The following AFF2 variants were observed in gnomAD, a reference collection of about 807,000 sequenced individuals.
AFF2 encodes AF4/FMR2 family member 2.
In AFF2, 14 loss-of-function variants were observed where a neutral mutation model predicts 76.9. That is an observed-to-expected ratio of 0.18 (90% CI 0.12 to 0.28). The LOEUF (loss-of-function observed/expected upper bound fraction) is 0.28, where lower values mean the gene tolerates loss of function less well. Ranked by LOEUF, AFF2 falls within the 10% of genes least tolerant of loss-of-function variation. The probability of loss-of-function intolerance (pLI) is 1.00; values close to 1 mark genes in which losing one functional copy is unlikely to be tolerated. For missense variants in AFF2, 868 were observed against 1,001.1 expected (o/e 0.87, Z 1.79); for synonymous variants, 398 against 366.7 (o/e 1.09, Z -0.98).
chrX:148,538,963 C>T (rs1339037331), intron 1 of AFF2, among the ~76,000 whole-genome samples: 4 of 111,912 alleles, frequency 3.6e-5, no homozygotes, highest in Non-Finnish European at 5.6e-5. Context: ...ACCCTACTGT[C>T]AGTTATGTTC....
intron 3 of AFF2, among the ~76,000 whole-genome samples, chrX:148,798,085 G>A (rs782476274): frequency 8.9e-6 from 1 of 112,062 alleles, no homozygotes; most frequent in South Asian, 3.8e-4. Context: ...CAAGATGTCA[G>A]CATCTGGCAC....
intron 7 of AFF2, among the ~76,000 whole-genome samples, chrX:148,853,248 G>A (rs2070751575): frequency 9.0e-6 from 1 of 110,926 alleles, no homozygotes; most frequent in Non-Finnish European, 1.9e-5. Context: ...AATATATATT[G>A]TTATATTGTT....
At chrX:148,592,516 T>A (rs2053532992) in intron 1 of AFF2, among the ~76,000 whole-genome samples, 1 of 111,287 alleles carries the variant, frequency 9.0e-6, no homozygotes, top group Non-Finnish European at 1.9e-5. Flanking sequence ...ATATTTTTCA[T>A]AAGTGCACTT....
At position 148,762,480 on chromosome X, in the gene AFF2, ATG is replaced by A. The variant is rs144985699; in HGVS notation, c.1042-47368_1042-47367del. The stretch of plus-strand genomic sequence containing the variant: ...ATATATTATGTGTGTACATATGTAT[ATG>A]TGTGTGTGTGTGTGTGTGTGTGTGT... On this transcript the variant is annotated intron_variant, in intron 3 of 20. Coordinates refer to ENST00000370460, the MANE Select transcript of AFF2 (RefSeq NM_002025.4). Among the ~76,000 whole-genome samples the A allele has an allele frequency of 7.3e-3, 680 of 92,519 alleles. 14 individuals carry two copies. Among genetic ancestry groups the A allele is most frequent in the African/African-American group, 0.028 (626 of 22,232 alleles). 80.3% of individuals were successfully genotyped at this position (92,519 alleles called of 115,157 possible).
intron 3 of AFF2, among the ~76,000 whole-genome samples, chrX:148,780,292 C>T (rs1426839897): frequency 1.8e-5 from 2 of 111,561 alleles, no homozygotes; most frequent in Admixed American, 1.9e-4. Flanking sequence ...GAATGTTGGC[C>T]TGTCTTTGTA....
intron 1 of AFF2, among the ~76,000 whole-genome samples, chrX:148,634,702 C>T (rs1173142903): frequency 2.7e-5 from 3 of 111,757 alleles, no homozygotes; most frequent in Non-Finnish European, 5.6e-5. Context: ...CAGGCATTTT[C>T]ACATACCTTA....
At chrX:148,638,855 T>C (rs782394386) in intron 1 of AFF2, among the ~76,000 whole-genome samples, 1 of 111,792 alleles carries the variant, frequency 8.9e-6, no homozygotes, top group Non-Finnish European at 1.9e-5. Flanking sequence ...ATATCCAAAC[T>C]ATATCACCCA....
intron 7 of AFF2, among the ~76,000 whole-genome samples, chrX:148,845,664 A>G (rs1166841684): frequency 8.9e-6 from 1 of 112,131 alleles, no homozygotes; most frequent in African/African-American, 3.2e-5. Context: ...ATTCTCCCAC[A>G]TTTAACTACA....
intron 1 of AFF2, among the ~76,000 whole-genome samples, chrX:148,636,059 T>A (rs1234465851): frequency 4.5e-5 from 5 of 110,920 alleles, no homozygotes; most frequent in Non-Finnish European, 7.6e-5. Context: ...TCCCAGCATA[T>A]ATATCAGCAT....
intron 3 of AFF2, among the ~76,000 whole-genome samples, chrX:148,756,050 G>A (rs2055557935): frequency 8.9e-6 from 1 of 112,141 alleles, no homozygotes; most frequent in Admixed American, 9.5e-5. Context: ...TATAAAATAG[G>A]CTTTAGAATA....
chrX:148,672,867 T>C (rs1236770898), intron 3 of AFF2, among the ~76,000 whole-genome samples: 1 of 111,699 alleles, frequency 9.0e-6, no homozygotes, highest in Non-Finnish European at 1.9e-5. Flanking sequence ...AAAATCTAAA[T>C]TTCTGTGGTT....
intron 3 of AFF2, among the ~76,000 whole-genome samples, chrX:148,788,519 C>T (rs1270714605): frequency 8.9e-6 from 1 of 112,242 alleles, no homozygotes; most frequent in Non-Finnish European, 1.9e-5. Flanking sequence ...CACCTTCCCA[C>T]TGTCCTGCCT....
chrX:148,948,230 T>C (rs1394936304), intron 9 of AFF2, among the ~76,000 whole-genome samples: 1 of 112,404 alleles, frequency 8.9e-6, no homozygotes, highest in Non-Finnish European at 1.9e-5. Flanking sequence ...TAAAATAGCC[T>C]ACAGAAGTGC....
At chrX:148,714,945 T>C (rs1265478115) in intron 3 of AFF2, among the ~76,000 whole-genome samples, 1 of 111,251 alleles carries the variant, frequency 9.0e-6, no homozygotes, top group Non-Finnish European at 1.9e-5. Context: ...TTAGTCTTGA[T>C]GATGTGGGAA....
intron 3 of AFF2, among the ~76,000 whole-genome samples, chrX:148,665,775 G>A (rs1029367714): frequency 6.3e-5 from 7 of 111,867 alleles, no homozygotes; most frequent in East Asian, 2.8e-4. Context: ...AGTTCCTGGC[G>A]CCAAGGAGTT....
intron 3 of AFF2, among the ~76,000 whole-genome samples, chrX:148,773,746 G>GAAAGAGAA (rs782497527): frequency 2.9e-5 from 2 of 69,184 alleles, no homozygotes; most frequent in African/African-American, 5.2e-5. Context: ...AAGAAAGAAA[G>GAAAGAGAA]AGAAAGAAAG....
At chrX:148,957,225 T>C (rs2072052140) in intron 11 of AFF2, among the ~76,000 whole-genome samples, 1 of 111,780 alleles carries the variant, frequency 8.9e-6, no homozygotes, top group African/African-American at 3.3e-5. Flanking sequence ...GGGTACTTTT[T>C]TTAGAGTGAT....
chrX:148,581,616 ATATACG>A lies in AFF2; in HGVS notation c.48-70369_48-70364del, dbSNP rs1181207902. Among the ~76,000 whole-genome samples the A allele has an allele frequency of 2.0e-4, 20 of 98,140 alleles. 1 individual carries two copies. Among genetic ancestry groups the A allele is most frequent in the Admixed American group, 3.2e-4 (3 of 9,450 alleles). 85.2% of individuals were successfully genotyped at this position (98,140 alleles called of 115,157 possible). A position where few individuals can be genotyped will look rare whatever the true frequency, so the allele number is the denominator to read the frequency against. On this transcript the variant is annotated intron_variant, in intron 1 of 20. Transcript: ENST00000370460. ...TATATACGTATACGTGTACACACAT[ATATACG>A]TATACGTATACGTGTACACACATAT... is the stretch of plus-strand genomic sequence containing the variant.
intron 1 of AFF2, among the ~76,000 whole-genome samples, chrX:148,601,860 G>A (rs1476444958): frequency 1.8e-5 from 2 of 111,651 alleles, no homozygotes; most frequent in Non-Finnish European, 3.8e-5. Flanking sequence ...TGGTTTTATT[G>A]TGCTCATCAG....
Sources: allele counts gnomAD v4.1 joint callset (sites outside exome capture counted in the v4.1 genomes callset), GRCh38; gene constraint gnomAD v4.1.1; transcripts MANE v1.5; gene names NCBI Gene and HGNC (gene_info 2026-07-23, HGNC 2026-07-21).